Variants in RNF213 observed in about 807,000 individuals in gnomAD.
RNF213 encodes the protein E3 ubiquitin-protein ligase RNF213.
A neutral mutation model predicts 514.4 loss-of-function variants in RNF213; 341 were observed. The observed-to-expected ratio is 0.66, with a 90% CI of 0.61 to 0.73. RNF213 has a LOEUF of 0.73. RNF213 is among the 30% of genes least tolerant of loss of function. The pLI is 0.00. For synonymous variants in RNF213, 2,655 were observed against 2,658.2 expected (o/e 1.00, Z 0.04); for missense variants, 5,767 against 6,615.6 (o/e 0.87, Z 4.45).
In RNF213 at chr17:80,397,335, G is replaced by A. The variant is rs150370233; in HGVS notation, c.*3837G>A. On this transcript the variant is annotated 3_prime_UTR_variant, in exon 68 of 68. Coordinates refer to ENST00000582970, the MANE Select transcript of RNF213 (RefSeq NM_001256071.3). ...AATATCTGTCAGTGCTCTTAAGGGA[G>A]GAGACCACCCCACATATTGTCTTAC... 2 of 152,200 alleles carry A rather than the reference G, an allele frequency of 1.3e-5. No individual in the cohort carries two copies. The highest frequency in any genetic ancestry group is 4.8e-5 in the African/African-American group (2 of 41,530). The allele number at this position is 152,200 out of a possible 1,614,324, so 9.4% of individuals were successfully genotyped here. A position where few individuals can be genotyped will look rare whatever the true frequency, so the allele number is the denominator to read the frequency against.
At chr17:80,358,930 A>T (rs967050218) in intron 37 of RNF213, among the ~76,000 whole-genome samples, 1 of 152,076 alleles carries the variant, frequency 6.6e-6, no homozygotes, top group South Asian at 2.1e-4. Flanking sequence ...TAGGAAGTTT[A>T]CGAAGCTCTG....
intron 30 of RNF213, 112 bp downstream of exon 30, chr17:80,350,018 T>C (rs950820463): frequency 4.3e-6 from 5 of 1,174,666 alleles, no homozygotes; most frequent in Non-Finnish European, 6.3e-6. Flanking sequence ...CACGTGACTG[T>C]GAAATAGATC....
At chr17:80,318,469 A>G (rs1157874028) in intron 16 of RNF213, among the ~76,000 whole-genome samples, 2 of 152,216 alleles carry the variant, frequency 1.3e-5, no homozygotes, top group African/African-American at 2.4e-5. Context: ...GGTGACAGGA[A>G]CCTCATGACA....
rs1278635135 is a variant in RNF213, at chr17:80,288,506, C to A, written c.811-127C>A. ...TCCCTGGGTGGGAGTCGGAGGGCTG[C>A]CCCTCCACTGGGGATGCCAGCCCAC... On this transcript the variant is annotated intron_variant, in intron 4 of 67. Transcript: ENST00000582970. This position sits in a 1 kb window ranked among gnomAD's most constrained non-coding sequence, Gnocchi z 4.9. 5 of 1,591,052 alleles carry A rather than the reference C, an allele frequency of 3.1e-6. No individual in the cohort carries two copies. Among genetic ancestry groups the A allele is most frequent in the Non-Finnish European group, 4.3e-6 (5 of 1,162,348 alleles).
intron 13 of RNF213, 30 bp from the exon 14 acceptor site, chr17:80,308,988 C>T (rs74712613): frequency 2.2e-5 from 36 of 1,613,050 alleles, no homozygotes; most frequent in East Asian, 2.0e-4. Context: ...AAATCCTTGC[C>T]GGGATTTCTC....
intron 61 of RNF213, among the ~76,000 whole-genome samples, 169 bp from the exon 62 acceptor site, chr17:80,386,081 G>A (rs913937490): frequency 1.3e-5 from 2 of 152,158 alleles, no homozygotes; most frequent in African/African-American, 2.4e-5. Context: ...GGCATCAAAA[G>A]GGAGCTGAAA....
chr17:80,345,805 C>T lies in RNF213; in HGVS notation c.7470C>T (p.Asn2490=). Residue 2490 remains asparagine (N), a synonymous_variant, in exon 29 of 68, where the codon AAC becomes AAT. Coordinates refer to ENST00000582970, the MANE Select transcript of RNF213 (RefSeq NM_001256071.3). The surrounding 1 kb of genome is among the most constrained non-coding windows in gnomAD (Gnocchi z 6.0). ...CCATCTTGTTTTTTGATGAAGCCAA[C>T]ACAACGGAAGCTATAAGCTGTATCA... The part of the protein sequence containing the change: ...LDTILFFDEA[N]TTEAISCIKE... 6.2e-7 allele frequency: 1 copy of T among 1,614,156 alleles called. No individual in the cohort carries two copies. Among genetic ancestry groups the T allele is most frequent in the Non-Finnish European group, 8.5e-7 (1 of 1,180,046 alleles).
At chr17:80,364,375 C>T (rs2079174304) in intron 41 of RNF213, 58 bp from the exon 42 acceptor site, 1 of 1,612,700 alleles carries the variant, frequency 6.2e-7, no homozygotes, top group Non-Finnish European at 8.5e-7. Flanking sequence ...CCTCGTTTCA[C>T]CCTTGGGTTC....
intron 7 of RNF213, among the ~76,000 whole-genome samples, chr17:80,291,104 G>A (rs62076479): frequency 2.0e-5 from 3 of 152,100 alleles, no homozygotes; most frequent in East Asian, 3.9e-4. Context: ...GAGCCACTGC[G>A]CCCAGCCTTT....
rs145076497 is a variant in RNF213 at position 80,380,972 on chromosome 17, G to A, written c.13782G>A (p.Ala4594=). The A allele has an allele frequency of 1.6e-3, 2,559 of 1,614,146 alleles. 33 individuals are homozygous for A. The East Asian group carries it at 0.027, about 17-fold the overall frequency. The part of the protein sequence containing the change: ...LLTHLALLLG[A]SQSSQALINI... Reference sequence around the variant, plus strand: ...CTCACTTGGCTCTGCTTCTGGGAGCGTCCCAGAGTTCCCAGGTATAACCCA... The same window carrying A: ...CTCACTTGGCTCTGCTTCTGGGAGCATCCCAGAGTTCCCAGGTATAACCCA... Residue 4594 remains alanine, a synonymous_variant, in exon 56 of 68, where the codon GCG becomes GCA. Transcript: ENST00000582970.
At chr17:80,380,391 G>A (rs1383086023) in intron 55 of RNF213, among the ~76,000 whole-genome samples, 1 of 152,018 alleles carries the variant, frequency 6.6e-6, no homozygotes, top group Non-Finnish European at 1.5e-5. Flanking sequence ...TGAGAGCATC[G>A]GCCACACTGC....
intron 46 of RNF213, among the ~76,000 whole-genome samples, chr17:80,370,607 A>G (rs1833946500): frequency 6.6e-6 from 1 of 152,174 alleles, no homozygotes; most frequent in Admixed American, 6.5e-5. Flanking sequence ...GTTTTACTAA[A>G]TCTTGACTCT....
In RNF213 at chr17:80,347,006, C is replaced by T. The variant is rs766980050; in HGVS notation, c.8671C>T (p.Pro2891Ser). The T allele has an allele frequency of 1.7e-5, 28 of 1,613,808 alleles. No homozygotes were observed. Among genetic ancestry groups the T allele is most frequent in the Middle Eastern group, 3.3e-4 (2 of 6,084 alleles). The change falls in exon 29 of 68, where the codon CCT (proline) becomes TCT (serine). Residue 2891 changes from proline (P) to serine (S), a missense_variant. This residue lies in a region of RNF213 where 919 missense variants were observed against 1,121.0 expected (regional missense o/e 0.82). Coordinates refer to ENST00000582970, the MANE Select transcript of RNF213 (RefSeq NM_001256071.3). This position sits in a 1 kb window ranked among gnomAD's most constrained non-coding sequence, Gnocchi z 7.2. ...FVGISNWALDPAKMNRGIFVS... is the reference protein window; with the variant it reads ...FVGISNWALDSAKMNRGIFVS... The stretch of plus-strand genomic sequence containing the variant: ...GGGCATCTCCAACTGGGCCCTTGAC[C>T]CTGCCAAGATGAACCGGGGCATTTT...
At chr17:80,273,907 AC>A (rs1432848702) in intron 3 of RNF213, among the ~76,000 whole-genome samples, 1 of 152,024 alleles carries the variant, frequency 6.6e-6, no homozygotes, top group Non-Finnish European at 1.5e-5. Context: ...GGTGTGAGCC[AC>A]CGCGCCCGGC....
intron 46 of RNF213, 59 bp downstream of exon 46, chr17:80,369,926 C>T (rs112893661): frequency 1.6e-5 from 19 of 1,178,800 alleles, no homozygotes; most frequent in African/African-American, 1.4e-4. Context: ...TTCATCGCAG[C>T]GTTTTGTTAC....
intron 36 of RNF213, chr17:80,355,413 A>AGACACCTTCCT (rs2078719413): frequency 9.1e-6 from 2 of 219,508 alleles, no homozygotes; most frequent in South Asian, 3.6e-5. Context: ...ATGGGGGCTC[A>AGACACCTTCCT]CGGAGGAAGA....
At chr17:80,363,076 A>G (rs1455243559) in intron 39 of RNF213, 26 bp from the exon 40 acceptor site, 2 of 1,594,278 alleles carry the variant, frequency 1.3e-6, no homozygotes, top group African/African-American at 2.7e-5. Context: ...TTAAAAATAT[A>G]TTCTAAAAGC....
Position 80,363,297 on chromosome 17 carries a change from C to G in RNF213, c.11551C>G (p.Leu3851Val), listed in dbSNP as rs528998140. ...SLMEARWNHE[L>V]AGCEMTLDAF... ...GATGGAAGCCCGTTGGAACCATGAG[C>G]TGGCTGGATGTGAGATGGTATGGCC... The change falls in exon 40 of 68, where the codon CTG becomes GTG. Residue 3851 changes from leucine (L) to valine (V), a missense_variant. This residue lies in a region of RNF213 where 355 missense variants were observed against 358.0 expected (regional missense o/e 0.99). Transcript: ENST00000582970. The G allele has an allele frequency of 1.2e-6, 2 of 1,613,914 alleles. No individual in the cohort carries two copies. Among genetic ancestry groups the G allele is most frequent in the South Asian group, 1.1e-5 (1 of 91,080 alleles).
rs776295572 is a variant in RNF213 at position 80,348,014 on chromosome 17, G to C, written c.9679G>C (p.Ala3227Pro). 1 of 1,614,208 alleles carries C rather than the reference G, an allele frequency of 6.2e-7. No individual in the cohort carries two copies. The highest frequency in any genetic ancestry group is 2.2e-5 in the East Asian group (1 of 44,878). Residue 3227 changes from alanine to proline, a missense_variant, in exon 29 of 68, where the codon GCG becomes CCG. This residue lies in a region of RNF213 where 919 missense variants were observed against 1,121.0 expected (regional missense o/e 0.82). Transcript: ENST00000582970. The part of the protein sequence containing the change: ...VFIGYHSDAC[A>P]SVVLQVIERQ... ...CATCGGCTACCACTCGGACGCCTGC[G>C]CGTCTGTGGTGCTGCAGGTCATAGA... is the stretch of plus-strand genomic sequence containing the variant.
Sources: allele counts gnomAD v4.1 joint callset (sites outside exome capture counted in the v4.1 genomes callset), GRCh38; gene constraint gnomAD v4.1.1; regional missense constraint gnomAD v4.1.1; non-coding constraint Gnocchi (gnomAD v3.1); transcripts MANE v1.5; gene names NCBI Gene and HGNC (gene_info 2026-07-23, HGNC 2026-07-21).